The following TANC1 variants were observed in gnomAD, a reference collection of about 807,000 sequenced individuals.
TANC1 encodes the protein protein TANC1.
Under a neutral mutation model 149.7 loss-of-function variants are expected in TANC1, and 77 were observed. That is an observed-to-expected ratio of 0.51 (90% CI 0.43 to 0.62). The LOEUF is 0.62. TANC1 is among the 20% of genes least tolerant of loss of function. TANC1 has a pLI of 0.00. For synonymous variants in TANC1, 854 were observed against 925.0 expected (o/e 0.92, Z 1.39); for missense variants, 1,985 against 2,321.8 (o/e 0.85, Z 2.98).
intron 1 of TANC1, among the ~76,000 whole-genome samples, chr2:158,969,058 C>T (rs2149137492): frequency 6.6e-6 from 1 of 152,338 alleles, no homozygotes; most frequent in Admixed American, 6.5e-5. Flanking sequence ...CGCGCCGGAC[C>T]GAGCCGGCCT....
At position 159,056,983 on chromosome 2, in the gene TANC1, C is replaced by T. The variant is rs541393228; in HGVS notation, c.-15-8913C>T. On this transcript the variant is annotated intron_variant, in intron 2 of 26. Coordinates refer to ENST00000263635, the MANE Select transcript of TANC1 (RefSeq NM_033394.3). Reference sequence around the variant, plus strand: ...AACCCAGAACCATAGATGAGTTGCACGATATGATGATGCTACTTGTGAGCC... The same window carrying T: ...AACCCAGAACCATAGATGAGTTGCATGATATGATGATGCTACTTGTGAGCC... 16 of 182,046 alleles carry T rather than the reference C, an allele frequency of 8.8e-5. No homozygotes were observed. In the East Asian group the frequency reaches 1.5e-3, roughly 17 times the overall value. 11.3% of individuals were successfully genotyped at this position (182,046 alleles called of 1,614,324 possible).
chr2:159,124,821 C>G (rs2150118557), intron 4 of TANC1, among the ~76,000 whole-genome samples: 1 of 151,842 alleles, frequency 6.6e-6, no homozygotes, highest in Non-Finnish European at 1.5e-5. Flanking sequence ...CTCACTGCAG[C>G]CTCGACTTGT....
chr2:159,160,785 C>T (rs1458110831), intron 7 of TANC1, among the ~76,000 whole-genome samples: 2 of 152,208 alleles, frequency 1.3e-5, no homozygotes, highest in Non-Finnish European at 2.9e-5. Flanking sequence ...TTTGTGAGGG[C>T]AGCAGAAGGG....
intron 3 of TANC1, among the ~76,000 whole-genome samples, chr2:159,084,956 C>G (rs1574548541): frequency 6.6e-6 from 1 of 152,178 alleles, no homozygotes; most frequent in Non-Finnish European, 1.5e-5. Context: ...TAGCCCTCCT[C>G]CAAGCCTTGA....
chr2:159,068,932 G>A (rs1175856549), intron 3 of TANC1, among the ~76,000 whole-genome samples: 1 of 152,126 alleles, frequency 6.6e-6, no homozygotes, highest in Admixed American at 6.6e-5. Context: ...TAGACATGGG[G>A]GTTTCTCCAT....
chr2:159,162,029 A>T (rs974244967), intron 7 of TANC1, among the ~76,000 whole-genome samples: 1 of 152,244 alleles, frequency 6.6e-6, no homozygotes, highest in African/African-American at 2.4e-5. Flanking sequence ...AGAGAGGGTG[A>T]TAAGTCCAGG....
At chr2:159,150,320 G>A (rs767987844) in intron 6 of TANC1, 50 bp from the exon 7 acceptor site, 95 of 1,483,348 alleles carry the variant, frequency 6.4e-5, no homozygotes, top group South Asian at 9.7e-5. Context: ...AGCATGTGTC[G>A]AAGCATCCTG....
chr2:159,084,914 G>C (rs2044680430), intron 3 of TANC1, among the ~76,000 whole-genome samples: 1 of 152,194 alleles, frequency 6.6e-6, no homozygotes, highest in African/African-American at 2.4e-5. Flanking sequence ...TTCCGGATCT[G>C]CCACTTTCAG....
At chr2:159,214,774 C>G (rs1301341583) in intron 19 of TANC1, among the ~76,000 whole-genome samples, 1 of 152,174 alleles carries the variant, frequency 6.6e-6, no homozygotes, top group Non-Finnish European at 1.5e-5. Context: ...CTCCTCTGGT[C>G]CACCACCGCT....
intron 2 of TANC1, among the ~76,000 whole-genome samples, chr2:159,029,888 C>T (rs897720571): frequency 1.3e-4 from 20 of 152,012 alleles, no homozygotes; most frequent in African/African-American, 4.6e-4. Context: ...GGGGTCTTGC[C>T]ATCTTGTCCA....
intron 4 of TANC1, among the ~76,000 whole-genome samples, chr2:159,113,869 A>AT (rs1559284341): frequency 6.6e-6 from 1 of 152,244 alleles, no homozygotes; most frequent in Non-Finnish European, 1.5e-5. Context: ...AATTGCTGAC[A>AT]TTTGGACTTG....
At chr2:159,162,508 C>G (rs567750202) in intron 7 of TANC1, among the ~76,000 whole-genome samples, 1 of 152,192 alleles carries the variant, frequency 6.6e-6, no homozygotes, top group Non-Finnish European at 1.5e-5. Context: ...TTTGTAGAAG[C>G]TATGTAGGGT....
At chr2:159,045,415 G>C (rs1574313654) in intron 2 of TANC1, among the ~76,000 whole-genome samples, 1 of 152,208 alleles carries the variant, frequency 6.6e-6, no homozygotes, top group African/African-American at 2.4e-5. Flanking sequence ...CTGGGTGACA[G>C]AGCAAGACTG....
chr2:159,170,616 A>G lies in TANC1; in HGVS notation c.1162A>G (p.Arg388Gly). ...SITTDSVFVGRDWLFHQIEEN... is the reference protein window; with the variant it reads ...SITTDSVFVGGDWLFHQIEEN... ...AACAACAGACTCTGTGTTTGTGGGA[A>G]GGGATTGGCTCTTTCACCAGATAGA... The change falls in exon 10 of 27, where the codon AGG becomes GGG. Residue 388 changes from arginine to glycine, a missense_variant. Arg to Gly is a moderately radical substitution (Grantham distance 125). This residue lies in a region of TANC1 where 557 missense variants were observed against 612.9 expected (regional missense o/e 0.91). Transcript: ENST00000263635. 6.2e-7 allele frequency: 1 copy of G among 1,614,154 alleles called. No homozygotes were observed. The highest frequency in any genetic ancestry group is 8.5e-7 in the Non-Finnish European group (1 of 1,180,030).
chr2:159,113,168 G>A (rs2047928168), intron 4 of TANC1, among the ~76,000 whole-genome samples: 1 of 152,064 alleles, frequency 6.6e-6, no homozygotes, highest in Non-Finnish European at 1.5e-5. Flanking sequence ...ATATTGCCCA[G>A]GCTGGTCTTG....
Position 159,219,741 on chromosome 2 carries a change from G to C in TANC1, c.3552G>C (p.Trp1184Cys). 1 of 1,614,204 alleles carries C rather than the reference G, an allele frequency of 6.2e-7. No individual in the cohort carries two copies. The highest frequency in any genetic ancestry group is 8.5e-7 in the Non-Finnish European group (1 of 1,180,044). The change falls in exon 22 of 27, where the codon TGG (tryptophan) becomes TGC (cysteine). Residue 1184 changes from tryptophan to cysteine, a missense_variant. This residue lies in a region of TANC1 where 920 missense variants were observed against 994.7 expected (regional missense o/e 0.92). Coordinates refer to ENST00000263635, the MANE Select transcript of TANC1 (RefSeq NM_033394.3). The part of the protein sequence containing the change: ...LDKEGLSALS[W>C]ACLKGHRAVV... The stretch of plus-strand genomic sequence containing the variant: ...AAGAGGGTCTGTCAGCATTAAGCTG[G>C]GCTTGTCTGAAAGGTCACAGGGCAG...
At chr2:159,108,354 G>T (rs17207648) in intron 4 of TANC1, among the ~76,000 whole-genome samples, 25,728 of 152,036 alleles carry the variant, frequency 0.17, 2,296 homozygotes, top group Middle Eastern at 0.24. Context: ...CCCGTTTCCC[G>T]CCGCCTGCAG....
intron 3 of TANC1, among the ~76,000 whole-genome samples, chr2:159,080,550 C>A (rs1413814384): frequency 6.6e-6 from 1 of 152,132 alleles, no homozygotes; most frequent in African/African-American, 2.4e-5. Context: ...AGTAACTATA[C>A]CTGGTATATT....
chr2:159,159,739 A>C (rs1285023080), intron 7 of TANC1, among the ~76,000 whole-genome samples: 3 of 150,900 alleles, frequency 2.0e-5, no homozygotes, highest in African/African-American at 7.3e-5. Context: ...AGAGAGAGAG[A>C]GAGAGAGAGA....
Sources: gnomAD v4.1 joint callset for allele counts (sites outside exome capture counted in the v4.1 genomes callset) on GRCh38, gnomAD v4.1.1 for gene constraint, gnomAD v4.1.1 regional missense constraint, MANE v1.5 for transcripts, NCBI Gene and HGNC (gene_info 2026-07-23, HGNC 2026-07-21) for gene names.